The following GLRA1 variants were observed in gnomAD, a reference collection of about 807,000 sequenced individuals.
The protein encoded by GLRA1 is glycine receptor subunit alpha-1.
In GLRA1, 37 loss-of-function variants were observed where a neutral mutation model predicts 48.3. The ratio of observed to expected loss-of-function variants is 0.77; its 90% CI spans 0.59 to 1.01. The LOEUF is 1.01. GLRA1 is among the 50% of genes least tolerant of loss of function. The pLI is 0.00. For synonymous variants in GLRA1, 196 were observed against 210.7 expected, an observed-to-expected ratio of 0.93 and a Z score of 0.60; for missense variants, 427 against 571.0, an observed-to-expected ratio of 0.75 and a Z score of 2.57.
At chr5:151,890,187 C>T (rs964693058) in intron 2 of GLRA1, among the ~76,000 whole-genome samples, 1 of 152,194 alleles carries the variant, frequency 6.6e-6, no homozygotes, top group Non-Finnish European at 1.5e-5. Flanking sequence ...GACAGCATGA[C>T]TTGAAAAAGT....
intron 1 of GLRA1, among the ~76,000 whole-genome samples, chr5:151,898,427 T>A (rs928371449): frequency 6.6e-6 from 1 of 152,162 alleles, no homozygotes; most frequent in African/African-American, 2.4e-5. Context: ...AGGGAATCAA[T>A]ATAAAGCTGT....
At chr5:151,877,896 A>G (rs1753666037) in intron 3 of GLRA1, among the ~76,000 whole-genome samples, 1 of 152,222 alleles carries the variant, frequency 6.6e-6, no homozygotes, top group Non-Finnish European at 1.5e-5. Context: ...ATGAAAATGG[A>G]CTAATACAGT....
At chr5:151,849,163 T>TTTTCTTTTCTTTCTTTCTTTCTTTC (rs1561554533) in intron 7 of GLRA1, 32 of 111,074 alleles carry the variant, frequency 2.9e-4, no homozygotes, top group African/African-American at 9.7e-4. Flanking sequence ...TTTTCTTTTC[T>TTTTCTTTTCTTTCTTTCTTTCTTTC]TTTCTTTCTT....
intron 4 of GLRA1, 45 bp from the exon 5 acceptor site, chr5:151,856,428 G>A (rs752212522): frequency 8.1e-7 from 1 of 1,231,160 alleles, no homozygotes; most frequent in South Asian, 1.2e-5. Context: ...CTGCACATCA[G>A]GGAGGCTGTG....
chr5:151,828,068 T>C lies in GLRA1; in HGVS notation c.1059+853A>G, dbSNP rs555490912. ...GCGATTTGGTGGAAGAGATCGGCTT[T>C]AAAAAAATCACATCATTGAATTTAT... On this transcript the variant is annotated intron_variant, in intron 8 of 8. Coordinates refer to ENST00000274576, the MANE Select transcript of GLRA1 (RefSeq NM_000171.4). Among the ~76,000 whole-genome samples the C allele has an allele frequency of 2.6e-5, 4 of 152,274 alleles. No homozygotes were observed. In the South Asian group the frequency reaches 8.3e-4, roughly 32 times the overall value.
At chr5:151,909,578 TATTTA>T (rs1754557353) in intron 1 of GLRA1, among the ~76,000 whole-genome samples, 1 of 152,248 alleles carries the variant, frequency 6.6e-6, no homozygotes, top group East Asian at 1.9e-4. Flanking sequence ...TATGTACTGT[TATTTA>T]ATTTATTTTT....
chr5:151,844,037 G>A (rs759758524), intron 7 of GLRA1, among the ~76,000 whole-genome samples: 1 of 152,084 alleles, frequency 6.6e-6, no homozygotes, highest in Non-Finnish European at 1.5e-5. Context: ...AGGTGTGGTG[G>A]TGCATGCCTG....
chr5:151,834,217 A>C (rs1763505286), intron 7 of GLRA1, among the ~76,000 whole-genome samples: 1 of 152,196 alleles, frequency 6.6e-6, no homozygotes, highest in African/African-American at 2.4e-5. Context: ...TTGACCACAT[A>C]ATTGGAAGTA....
At chr5:151,918,268 T>A (rs73287820) in intron 1 of GLRA1, among the ~76,000 whole-genome samples, 2,748 of 152,260 alleles carry the variant, frequency 0.018, 103 homozygotes, top group African/African-American at 0.063. Context: ...GGCTGTATAG[T>A]GTTTTCATTT....
rs370984893 is a variant in GLRA1, at chr5:151,823,174, CAG to C, written c.1060-213_1060-212del. On this transcript the variant is annotated intron_variant, in intron 8 of 8. Transcript: ENST00000274576. ...CTTGCCTGCTGAAACAGATGCAAAA[CAG>C]GGGATAGGAATGTGGTTTAGAGTCT... 3.5e-3 allele frequency among the ~76,000 whole-genome samples: 528 copies of C among 152,228 alleles called. 3 individuals carry two copies. The highest frequency in any genetic ancestry group is 0.011 in the East Asian group (56 of 5,180).
At chr5:151,827,032 T>TTTTTTTC (rs1349066710) in intron 8 of GLRA1, among the ~76,000 whole-genome samples, 2 of 146,634 alleles carry the variant, frequency 1.4e-5, no homozygotes, top group Non-Finnish European at 1.5e-5. Context: ...TCTTTCTGTT[T>TTTTTTTC]TTTTTTTTTT....
At position 151,828,998 on chromosome 5, in the gene GLRA1, C is replaced by T; in HGVS notation, c.982G>A (p.Glu328Lys). The change falls in exon 8 of 9, where the codon GAA becomes AAA. Residue 328 changes from glutamate to lysine, a missense_variant. By Grantham distance (56) the Glu-to-Lys change is moderately conservative (BLOSUM62 1). Around this residue, in one of 4 missense-constraint regions of GLRA1, gnomAD observed 271 missense variants for 434.9 expected, o/e 0.62. Transcript: ENST00000274576. ...GACACAAAGTTAACGGCAGCATATT[C>T]TAATAGGGCTGAGAACACAAAGAGC... Reference protein sequence around the residue: ...CLLFVFSALLEYAAVNFVSRQ... With the variant: ...CLLFVFSALLKYAAVNFVSRQ... 1 of 1,614,102 alleles carries T rather than the reference C, an allele frequency of 6.2e-7. No homozygotes were observed. The highest frequency in any genetic ancestry group is 1.1e-5 in the South Asian group (1 of 91,088).
chr5:151,917,391 C>T (rs1358008288), intron 1 of GLRA1, among the ~76,000 whole-genome samples: 2 of 152,140 alleles, frequency 1.3e-5, no homozygotes, highest in Non-Finnish European at 2.9e-5. Flanking sequence ...GATTCTGTTT[C>T]AGTAGTTTGA....
chr5:151,859,489 T>TGA (rs1753137449), intron 4 of GLRA1, among the ~76,000 whole-genome samples: 20 of 152,252 alleles, frequency 1.3e-4, no homozygotes, highest in Admixed American at 1.3e-3. Context: ...TTGAATACTC[T>TGA]TTCCTATCTT....
intron 7 of GLRA1, among the ~76,000 whole-genome samples, chr5:151,846,686 C>T (rs1752680396): frequency 6.6e-6 from 1 of 152,092 alleles, no homozygotes; most frequent in African/African-American, 2.4e-5. Context: ...AGCTGGGAGA[C>T]TGTTCTAGGT....
chr5:151,849,130 T>TTCTTTCTTTCTG (rs1752780242), intron 7 of GLRA1: 3 of 210,516 alleles, frequency 1.4e-5, no homozygotes, highest in Admixed American at 1.4e-4. Context: ...CTTTCTTTCT[T>TTCTTTCTTTCTG]TCTTTCTTTC....
At chr5:151,898,685 T>TA (rs1754285940) in intron 1 of GLRA1, among the ~76,000 whole-genome samples, 2 of 152,004 alleles carry the variant, frequency 1.3e-5, no homozygotes, top group South Asian at 4.2e-4. Flanking sequence ...GAAGGACCTA[T>TA]ACAGCTGGAG....
chr5:151,841,400 T>C (rs1002047550), intron 7 of GLRA1, among the ~76,000 whole-genome samples: 3 of 123,280 alleles, frequency 2.4e-5, no homozygotes, highest in Non-Finnish European at 5.2e-5. Flanking sequence ...AGAAGAAAGG[T>C]CCTAAATCAA....
intron 8 of GLRA1, among the ~76,000 whole-genome samples, chr5:151,825,312 A>G (rs1021152303): frequency 1.8e-4 from 27 of 152,094 alleles, no homozygotes; most frequent in Admixed American, 1.6e-3. Context: ...TTTTATTTTT[A>G]TTTTTTATTT....
Sources: allele counts gnomAD v4.1 joint callset (sites outside exome capture counted in the v4.1 genomes callset), GRCh38; gene constraint gnomAD v4.1.1; regional missense constraint gnomAD v4.1.1; transcripts MANE v1.5; gene names NCBI Gene and HGNC (gene_info 2026-07-23, HGNC 2026-07-21).